The following KCNU1 variants were observed in gnomAD, a reference collection of about 807,000 sequenced individuals.
The protein encoded by KCNU1 is potassium channel subfamily U member 1.
In KCNU1, 93 loss-of-function variants were observed where a neutral mutation model predicts 126.8. The observed-to-expected ratio is 0.73, with a 90% confidence interval of 0.62 to 0.87. The LOEUF (loss-of-function observed/expected upper bound fraction) is 0.87, where lower values mean the gene tolerates loss of function less well. Among genes scored for constraint, KCNU1 ranks in the 40% least tolerant of loss-of-function variants. The pLI is 0.00. For synonymous variants in KCNU1, 523 were observed against 494.2 expected (o/e 1.06, Z -0.77); for missense variants, 1,330 against 1,367.1 (o/e 0.97, Z 0.43).
intron 2 of KCNU1, among the ~76,000 whole-genome samples, chr8:36,797,491 G>T (rs140773740): frequency 2.1e-3 from 313 of 152,154 alleles, no homozygotes; most frequent in African/African-American, 7.3e-3. Flanking sequence ...TTGCACGGGA[G>T]TTCTGGTAGC....
At chr8:36,830,207 A>G (rs1010292482) in intron 10 of KCNU1, among the ~76,000 whole-genome samples, 2 of 151,272 alleles carry the variant, frequency 1.3e-5, no homozygotes, top group Non-Finnish European at 3.0e-5. Context: ...GAAATAAACT[A>G]TTTGTCTGAA....
intron 10 of KCNU1, among the ~76,000 whole-genome samples, chr8:36,824,909 C>A (rs1390918929): frequency 6.6e-6 from 1 of 152,132 alleles, no homozygotes; most frequent in East Asian, 1.9e-4. Context: ...CATTTCTCCC[C>A]TATACTTTGG....
chr8:36,841,586 C>T (rs1044768110), intron 16 of KCNU1, among the ~76,000 whole-genome samples: 2 of 152,130 alleles, frequency 1.3e-5, no homozygotes, highest in African/African-American at 4.8e-5. Flanking sequence ...ATCCCGGCTA[C>T]TTGGGAGGCT....
chr8:36,837,253 T>C (rs868094824), intron 14 of KCNU1, among the ~76,000 whole-genome samples: 1 of 152,130 alleles, frequency 6.6e-6, no homozygotes, highest in Non-Finnish European at 1.5e-5. Flanking sequence ...AGTAGAAGCA[T>C]TGAGTTATCG....
intron 22 of KCNU1, among the ~76,000 whole-genome samples, chr8:36,911,559 T>C (rs191092002): frequency 1.3e-5 from 2 of 152,194 alleles, no homozygotes; most frequent in Non-Finnish European, 2.9e-5. Flanking sequence ...GAATGAACCA[T>C]GATTCTCTTT....
intron 22 of KCNU1, among the ~76,000 whole-genome samples, chr8:36,914,144 T>C (rs1808002951): frequency 6.6e-6 from 1 of 152,022 alleles, no homozygotes; most frequent in South Asian, 2.1e-4. Context: ...CCCCAAGAAC[T>C]GAAATTATAA....
chr8:36,893,384 T>A (rs1807053506), intron 19 of KCNU1, among the ~76,000 whole-genome samples: 1 of 151,754 alleles, frequency 6.6e-6, no homozygotes, highest in Non-Finnish European at 1.5e-5. Context: ...TTTAAAAAAA[T>A]TACTGCTGAT....
At chr8:36,848,009 A>G (rs1417998824) in intron 18 of KCNU1, among the ~76,000 whole-genome samples, 1 of 152,162 alleles carries the variant, frequency 6.6e-6, no homozygotes, top group Non-Finnish European at 1.5e-5. Flanking sequence ...CATGATAGTC[A>G]TTGTAACTGG....
At chr8:36,923,950 T>C (rs1308543947) in intron 24 of KCNU1, among the ~76,000 whole-genome samples, 1 of 152,152 alleles carries the variant, frequency 6.6e-6, no homozygotes, top group Non-Finnish European at 1.5e-5. Flanking sequence ...CCAAAGCAAA[T>C]AACTGGGCAA....
intron 22 of KCNU1, among the ~76,000 whole-genome samples, chr8:36,918,531 G>A (rs965819010): frequency 1.5e-4 from 23 of 151,622 alleles, no homozygotes; most frequent in African/African-American, 2.7e-4. Flanking sequence ...CTCCAATCTC[G>A]GTGATGGAGC....
At chr8:36,871,800 A>G (rs1363048045) in intron 19 of KCNU1, among the ~76,000 whole-genome samples, 1 of 152,160 alleles carries the variant, frequency 6.6e-6, no homozygotes, top group Non-Finnish European at 1.5e-5. Flanking sequence ...ATGACTGATC[A>G]TTTACTGAGT....
At chr8:36,900,963 A>G (rs537956096) in intron 19 of KCNU1, among the ~76,000 whole-genome samples, 20 of 152,178 alleles carry the variant, frequency 1.3e-4, no homozygotes, top group Non-Finnish European at 2.2e-4. Flanking sequence ...CAGGCCAGAA[A>G]ACTCTCTTAA....
intron 19 of KCNU1, among the ~76,000 whole-genome samples, chr8:36,892,614 T>C (rs1807012177): frequency 6.6e-6 from 1 of 151,632 alleles, no homozygotes; most frequent in Non-Finnish European, 1.5e-5. Flanking sequence ...TTTGCTATGG[T>C]TTATTGTATA....
intron 19 of KCNU1, among the ~76,000 whole-genome samples, chr8:36,879,318 T>C (rs962670467): frequency 5.3e-5 from 8 of 150,712 alleles, no homozygotes; most frequent in African/African-American, 1.9e-4. Flanking sequence ...GCTGTAATTT[T>C]ATATAAAATT....
At chr8:36,879,201 G>A (rs911173750) in intron 19 of KCNU1, among the ~76,000 whole-genome samples, 1 of 61,376 alleles carries the variant, frequency 1.6e-5, no homozygotes, top group Non-Finnish European at 3.4e-5. Flanking sequence ...ATGTGTGTGT[G>A]TGTGTGTGTG....
intron 10 of KCNU1, among the ~76,000 whole-genome samples, chr8:36,827,140 C>A (rs1160207793): frequency 6.6e-6 from 1 of 152,152 alleles, no homozygotes; most frequent in Non-Finnish European, 1.5e-5. Context: ...ATGTTACCTT[C>A]TTCCAGAGAG....
At position 36,787,329 on chromosome 8, in the gene KCNU1, C is replaced by T. The variant is rs1019048280; in HGVS notation, c.219C>T (p.Ile73=). The change falls in exon 2 of 27, where the codon ATC becomes ATT. Residue 73 remains isoleucine, a synonymous_variant. Transcript: ENST00000399881. ...IILELFTSGT[I]ARSHVRSLHF... ...AGGAACTGTTCACATCAGGTACCATCGCTAGGAGCCATGTAAGAAGCCTCC... is the reference window on the plus strand; with the variant it reads ...AGGAACTGTTCACATCAGGTACCATTGCTAGGAGCCATGTAAGAAGCCTCC... 15 of 1,611,080 alleles carry T rather than the reference C, an allele frequency of 9.3e-6. No individual in the cohort carries two copies. The highest frequency in any genetic ancestry group is 1.1e-5 in the South Asian group (1 of 90,652).
In KCNU1 at chr8:36,836,323, T is replaced by C; in HGVS notation, c.1323T>C (p.Ser441=). The change falls in exon 13 of 27, where the codon TCT becomes TCC. Residue 441 remains serine (S), a synonymous_variant. Coordinates refer to ENST00000399881, the MANE Select transcript of KCNU1 (RefSeq NM_001031836.3). ...TGCTCTCTATCAAGAACTATGATTC[T>C]ACCACCAGAATCATCATACAGATAC... The part of the protein sequence containing the change: ...MRVLSIKNYD[S]TTRIIIQILQ... The C allele has an allele frequency of 6.2e-7, 1 of 1,607,968 alleles. No homozygotes were observed. The highest frequency in any genetic ancestry group is 1.1e-5 in the South Asian group (1 of 90,962).
chr8:36,847,585 G>A (rs780084610), intron 18 of KCNU1, among the ~76,000 whole-genome samples: 2 of 152,072 alleles, frequency 1.3e-5, no homozygotes, highest in Non-Finnish European at 2.9e-5. Context: ...CCCATGTGTG[G>A]GTGAACATGT....
Sources: allele counts gnomAD v4.1 joint callset (sites outside exome capture counted in the v4.1 genomes callset), GRCh38; gene constraint gnomAD v4.1.1; transcripts MANE v1.5; gene names NCBI Gene and HGNC (gene_info 2026-07-23, HGNC 2026-07-21).